The following ENTREP2 variants were observed in gnomAD, a reference collection of about 807,000 sequenced individuals.
The protein encoded by ENTREP2 is endosomal transmembrane epsin interactor 2.
the ENTREP2 span, among the ~76,000 whole-genome samples, chr15:29,558,503 C>T: frequency 1.3e-5 from 2 of 151,662 alleles, no homozygotes; most frequent in East Asian, 4.0e-4. Context: ...CACCCATCTT[C>T]TGCACACATC....
chr15:29,357,392 C>T, the ENTREP2 span, among the ~76,000 whole-genome samples: 9 of 151,742 alleles, frequency 5.9e-5, no homozygotes, highest in East Asian at 1.9e-4. Context: ...GTCAAAGCCT[C>T]GGAGGGGGTA....
chr15:29,392,533 T>C, the ENTREP2 span, among the ~76,000 whole-genome samples: 1 of 152,182 alleles, frequency 6.6e-6, no homozygotes, highest in South Asian at 2.1e-4. Context: ...TATTCCACTG[T>C]TTTCTGACTG....
chr15:29,283,857 T>A, the ENTREP2 span, among the ~76,000 whole-genome samples: 1,302 of 152,230 alleles, frequency 8.6e-3, 6 homozygotes, highest in Non-Finnish European at 0.014. Flanking sequence ...TAAGAGAAAC[T>A]CCAAATGCTC....
chr15:29,127,413 T>G, the ENTREP2 span, among the ~76,000 whole-genome samples: 4 of 152,176 alleles, frequency 2.6e-5, no homozygotes. Context: ...GGTCTGTTCC[T>G]GCCATCCCTT....
chr15:29,184,136 C>T, the ENTREP2 span, among the ~76,000 whole-genome samples: 1 of 152,140 alleles, frequency 6.6e-6, no homozygotes, highest in Non-Finnish European at 1.5e-5. Flanking sequence ...AGCCACGCAC[C>T]ACCACATCCA....
chr15:29,332,681 C>T, the ENTREP2 span, among the ~76,000 whole-genome samples: 43 of 152,202 alleles, frequency 2.8e-4, no homozygotes, highest in Non-Finnish European at 4.4e-4. Flanking sequence ...TACTTGGAGC[C>T]GGGTGGGGTG....
the ENTREP2 span, among the ~76,000 whole-genome samples, chr15:29,614,897 T>G: frequency 6.6e-6 from 1 of 152,184 alleles, no homozygotes; most frequent in Non-Finnish European, 1.5e-5. Context: ...TCTCTATTTT[T>G]TTTTTAAGTA....
At chr15:29,218,161 G>C in the ENTREP2 span, among the ~76,000 whole-genome samples, 2 of 152,122 alleles carry the variant, frequency 1.3e-5, no homozygotes, top group African/African-American at 4.8e-5. Context: ...GCAGCGGGGT[G>C]CAATGGACTA....
chr15:29,141,556 C>T, the ENTREP2 span, among the ~76,000 whole-genome samples: 4 of 152,166 alleles, frequency 2.6e-5, no homozygotes, highest in Non-Finnish European at 5.9e-5. Flanking sequence ...AGGTCCCAGC[C>T]GGGTCTGCTC....
the ENTREP2 span, among the ~76,000 whole-genome samples, chr15:29,157,684 A>G: frequency 6.6e-6 from 1 of 151,800 alleles, no homozygotes; most frequent in Non-Finnish European, 1.5e-5. Flanking sequence ...TATGTATTTT[A>G]TATATCTCAG....
chr15:29,590,411 G>C, the ENTREP2 span, among the ~76,000 whole-genome samples: 1 of 152,096 alleles, frequency 6.6e-6, no homozygotes, highest in African/African-American at 2.4e-5. Context: ...GGCCAGGCGC[G>C]GTGGCTCACG....
chr15:29,233,583 A>G, the ENTREP2 span: 1 of 620,258 alleles, frequency 1.6e-6, no homozygotes, highest in Middle Eastern at 3.3e-4. Context: ...TCCACAAAAT[A>G]CTGACTATAA....
At chr15:29,194,822 G>A in the ENTREP2 span, among the ~76,000 whole-genome samples, 1 of 152,198 alleles carries the variant, frequency 6.6e-6, no homozygotes, top group Non-Finnish European at 1.5e-5. Context: ...AGGCGTTCAA[G>A]GGGGACGCCA....
the ENTREP2 span, chr15:29,675,169 C>T: frequency 6.5e-6 from 1 of 152,816 alleles, no homozygotes; most frequent in Non-Finnish European, 1.5e-5. Flanking sequence ...GCCAGGGTCG[C>T]CGAGCCTCCC....
At chr15:29,532,746 A>G in the ENTREP2 span, among the ~76,000 whole-genome samples, 1 of 152,266 alleles carries the variant, frequency 6.6e-6, no homozygotes, top group African/African-American at 2.4e-5. Flanking sequence ...AAAAGGAGAG[A>G]CTGCCAATAG....
chr15:29,139,164 C>T, the ENTREP2 span, among the ~76,000 whole-genome samples: 31 of 152,206 alleles, frequency 2.0e-4, no homozygotes, highest in African/African-American at 7.2e-4. Flanking sequence ...TGGGGTCAAG[C>T]GCTGTGAAAT....
the ENTREP2 span, among the ~76,000 whole-genome samples, chr15:29,314,492 G>T: frequency 6.6e-6 from 1 of 152,176 alleles, no homozygotes; most frequent in Non-Finnish European, 1.5e-5. Context: ...AGGCTCAGAT[G>T]ACTGTTAGCA....
the ENTREP2 span, among the ~76,000 whole-genome samples, chr15:29,393,564 G>A: frequency 1.3e-5 from 2 of 152,128 alleles, no homozygotes; most frequent in Non-Finnish European, 1.5e-5. Context: ...GGACCTTGAT[G>A]ATCTGCAATG....
the ENTREP2 span, among the ~76,000 whole-genome samples, chr15:29,236,214 T>C: frequency 6.6e-6 from 1 of 152,086 alleles, no homozygotes; most frequent in African/African-American, 2.4e-5. Context: ...ATCCAAAGGA[T>C]AATAAAGGAG....
Sources: allele counts gnomAD v4.1 joint callset (sites outside exome capture counted in the v4.1 genomes callset), GRCh38; gene constraint gnomAD v4.1.1; transcripts MANE v1.5; gene names NCBI Gene and HGNC (gene_info 2026-07-23, HGNC 2026-07-21).